The following PFKL variants were observed in gnomAD, a reference collection of about 807,000 sequenced individuals.
The protein encoded by PFKL is ATP-dependent 6-phosphofructokinase, liver type.
In PFKL, 74 loss-of-function variants were observed where a neutral mutation model predicts 92.1. The observed-to-expected ratio is 0.80, with a 90% CI of 0.67 to 0.97. PFKL has a LOEUF of 0.97. PFKL is among the 50% of genes least tolerant of loss of function. The probability of loss-of-function intolerance (pLI) is 0.00; values close to 1 mark genes in which losing one functional copy is unlikely to be tolerated. For synonymous variants in PFKL, 494 were observed against 456.4 expected, an observed-to-expected ratio of 1.08 and a Z score of -1.05; for missense variants, 1,028 against 1,116.6, an observed-to-expected ratio of 0.92 and a Z score of 1.13.
At chr21:44,307,274 C>T (rs2040978350) in intron 2 of PFKL, 2 of 985,276 alleles carry the variant, frequency 2.0e-6, no homozygotes, top group Non-Finnish European at 2.4e-6. Context: ...AGCGGATGCC[C>T]TACTGCCTCA....
rs1453273755 is a variant in PFKL at position 44,312,099 on chromosome 21, G to T, written c.238-6G>T. 3.3e-6 allele frequency: 5 copies of T among 1,521,206 alleles called. No homozygotes were observed. The highest frequency in any genetic ancestry group is 4.4e-6 in the Non-Finnish European group (5 of 1,134,050). 94.2% of individuals were successfully genotyped at this position (1,521,206 alleles called of 1,614,324 possible). On this transcript the variant is annotated splice_polypyrimidine_tract_variant and splice_region_variant and intron_variant, in intron 3 of 21. Coordinates refer to ENST00000349048, the MANE Select transcript of PFKL (RefSeq NM_002626.6). ...TCTCCTGAAGTTTCTGGTCTCCTCT[G>T]TGCAGGGCGGCACTATCATTGGCAG...
chr21:44,314,247 A>G, intron 7 of PFKL: 1 of 557,688 alleles, frequency 1.8e-6, no homozygotes, highest in Non-Finnish European at 3.2e-6. Flanking sequence ...GGAGAGGGTC[A>G]CTCAGGCTGC....
intron 2 of PFKL, among the ~76,000 whole-genome samples, chr21:44,308,999 G>A (rs115923591): frequency 6.6e-6 from 1 of 152,242 alleles, no homozygotes; most frequent in African/African-American, 2.4e-5. Context: ...GAGGGGACTG[G>A]CCGTCACTGT....
At position 44,325,195 on chromosome 21, in the gene PFKL, C is replaced by A. The variant is rs776117058; in HGVS notation, c.1920C>A (p.Tyr640Ter). 2.5e-6 allele frequency: 4 copies of A among 1,613,124 alleles called. No individual in the cohort carries two copies. The highest frequency in any genetic ancestry group is 3.4e-6 in the Non-Finnish European group (4 of 1,179,684). Residue 640 changes from tyrosine to a stop codon, truncating the protein, a stop_gained, in exon 19 of 22, where the codon TAC becomes TAA. Coordinates refer to ENST00000349048, the MANE Select transcript of PFKL (RefSeq NM_002626.6). LOFTEE classifies it high-confidence loss of function. ...CHDYYTTEFL[Y>*]NLYSSEGKGV... ...ACTACTACACCACGGAGTTCCTGTA[C>A]AACCTGTACTCATCAGAGGGCAAGG...
At chr21:44,306,396 G>A (rs1217125728) in intron 1 of PFKL, among the ~76,000 whole-genome samples, 2 of 152,210 alleles carry the variant, frequency 1.3e-5, no homozygotes, top group Non-Finnish European at 2.9e-5. Flanking sequence ...CCACCCGGGG[G>A]CCCAGGGCTG....
At chr21:44,305,897 CAG>C (rs1568942751) in intron 1 of PFKL, 5 of 1,364,598 alleles carry the variant, frequency 3.7e-6, no homozygotes, top group Admixed American at 1.9e-5. Context: ...GAAGTGACCT[CAG>C]AGCCTGGTGG....
In PFKL at chr21:44,313,176, G is replaced by T. The variant is rs749795499; in HGVS notation, c.593+33G>T. 15 of 1,609,268 alleles carry T rather than the reference G, an allele frequency of 9.3e-6. No individual in the cohort carries two copies. In the South Asian group the frequency reaches 1.6e-4, roughly 18 times the overall value. ...AGGCTGGCGCCGGCGGCCAGCCCAG[G>T]GCCCCTCCTCCCCGCACGGTGGTGA... On this transcript the variant is annotated intron_variant, in intron 5 of 21. Coordinates refer to ENST00000349048, the MANE Select transcript of PFKL (RefSeq NM_002626.6).
chr21:44,313,930 C>T lies in PFKL; in HGVS notation c.656C>T (p.Ser219Phe). Reference protein sequence around the residue: ...GRHCGYLALVSALASGADWLF... With the variant: ...GRHCGYLALVFALASGADWLF... ...TCCTCCAGGTACCTGGCGCTGGTAT[C>T]TGCACTGGCCTCAGGGGCCGACTGG... is the stretch of plus-strand genomic sequence containing the variant. Residue 219 changes from serine to phenylalanine, a missense_variant, in exon 7 of 22, where the codon TCT (serine) becomes TTT (phenylalanine). Physicochemically the swap from Ser to Phe is radical, Grantham distance 155. Coordinates refer to ENST00000349048, the MANE Select transcript of PFKL (RefSeq NM_002626.6). 2.5e-6 allele frequency: 4 copies of T among 1,600,718 alleles called. No homozygotes were observed. Among genetic ancestry groups the T allele is most frequent in the Non-Finnish European group, 3.4e-6 (4 of 1,175,756 alleles).
intron 2 of PFKL, among the ~76,000 whole-genome samples, chr21:44,310,652 T>A (rs2047015374): frequency 6.6e-6 from 1 of 152,114 alleles, no homozygotes; most frequent in South Asian, 2.1e-4. Flanking sequence ...CAGGCAGACC[T>A]AGGATGCACC....
chr21:44,325,343 C>A, intron 19 of PFKL, 79 bp downstream of exon 19: 1 of 1,000,838 alleles, frequency 1.0e-6, no homozygotes, highest in Non-Finnish European at 1.6e-6. Flanking sequence ...GGGGTCCCAG[C>A]CCTCACGGGC....
chr21:44,314,050 G>A lies in PFKL; in HGVS notation c.747+29G>A, dbSNP rs568939156. The A allele has an allele frequency of 6.4e-5, 97 of 1,505,420 alleles. 2 individuals are homozygous for A. The South Asian group carries it at 1.1e-3, about 17-fold the overall frequency. 93.3% of individuals were successfully genotyped at this position (1,505,420 alleles called of 1,614,324 possible). A position where few individuals can be genotyped will look rare whatever the true frequency, so the allele number is the denominator to read the frequency against. On this transcript the variant is annotated intron_variant, in intron 7 of 21. Transcript: ENST00000349048. ...GGTGCCGTCCAGCCTGCTGGGGGCC[G>A]CAGGTGTCCTGGTGCACTGGGTAGC...
In PFKL at chr21:44,316,521, C is replaced by A; in HGVS notation, c.933C>A (p.Ile311=). The change falls in exon 9 of 22, where the codon ATC becomes ATA. Residue 311 remains isoleucine (I), a synonymous_variant. Coordinates refer to ENST00000349048, the MANE Select transcript of PFKL (RefSeq NM_002626.6). ...GGACGCCCTCTGCCTTCGACCGGAT[C>A]CTGGTAAGTGGCCATCACCCTGCCC... ...RGGTPSAFDR[I]LSSKMGMEAV... 1 of 1,592,352 alleles carries A rather than the reference C, an allele frequency of 6.3e-7. No individual in the cohort carries two copies. Among genetic ancestry groups the A allele is most frequent in the Non-Finnish European group, 8.6e-7 (1 of 1,167,132 alleles).
Position 44,319,345 on chromosome 21 carries a change from C to T in PFKL, c.1063-6C>T. 2 of 1,613,142 alleles carry T rather than the reference C, an allele frequency of 1.2e-6. No homozygotes were observed. Among genetic ancestry groups the T allele is most frequent in the Non-Finnish European group, 1.7e-6 (2 of 1,179,340 alleles). On this transcript the variant is annotated splice_region_variant and splice_polypyrimidine_tract_variant and intron_variant, in intron 10 of 21. Transcript: ENST00000349048. ...CATAGTCTGTGTTCTGTTTCTCTTC[C>T]TTAAGACCAAGGAAGTGCAGAAAGC... is the stretch of plus-strand genomic sequence containing the variant.
At position 44,313,047 on chromosome 21, in the gene PFKL, A is replaced by T; in HGVS notation, c.497A>T (p.Asp166Val). ...LNIAGLVGSI[D>V]NDFCGTDMTI... ...ATCGCGGGCCTAGTGGGCTCCATCG[A>T]TAACGACTTCTGCGGCACCGACATG... is the stretch of plus-strand genomic sequence containing the variant. The change falls in exon 5 of 22, where the codon GAT (aspartate) becomes GTT (valine). Residue 166 changes from aspartate (D) to valine (V), a missense_variant. Coordinates refer to ENST00000349048, the MANE Select transcript of PFKL (RefSeq NM_002626.6). The T allele has an allele frequency of 6.2e-7, 1 of 1,613,182 alleles. No individual in the cohort carries two copies. The highest frequency in any genetic ancestry group is 8.5e-7 in the Non-Finnish European group (1 of 1,179,940).
chr21:44,304,433 G>T (rs2040868652), intron 1 of PFKL: 6 of 1,219,830 alleles, frequency 4.9e-6, no homozygotes, highest in Admixed American at 6.2e-5. Context: ...TCCTTGCCCT[G>T]CCTCAGCTGC....
chr21:44,305,902 C>T lies in PFKL; in HGVS notation c.86-779C>T, dbSNP rs138883373. ...CAGGAAAGAGGAAGTGACCTCAGAGCCTGGTGGCACCAGCATCATGTCCAG... is the reference window on the plus strand; with the variant it reads ...CAGGAAAGAGGAAGTGACCTCAGAGTCTGGTGGCACCAGCATCATGTCCAG... On this transcript the variant is annotated intron_variant, in intron 1 of 21. Transcript: ENST00000349048. The T allele has an allele frequency of 2.8e-5, 38 of 1,364,142 alleles. No homozygotes were observed. In the East Asian group the frequency reaches 1.6e-3, roughly 59 times the overall value. The allele number at this position is 1,364,142 out of a possible 1,614,324, so 84.5% of individuals were successfully genotyped here. A position where few individuals can be genotyped will look rare whatever the true frequency, so the allele number is the denominator to read the frequency against.
chr21:44,311,200 G>GCACACATA, intron 3 of PFKL, 117 bp downstream of exon 3: 10 of 725,496 alleles, frequency 1.4e-5, no homozygotes, highest in Non-Finnish European at 2.3e-5. Context: ...ACACACACAT[G>GCACACATA]CAGACACACA....
intron 2 of PFKL, 126 bp from the exon 3 acceptor site, chr21:44,310,880 T>TG (rs1425009765): frequency 3.0e-6 from 2 of 674,298 alleles, no homozygotes; most frequent in Non-Finnish European, 5.3e-6. Flanking sequence ...GGGATGATGG[T>TG]GGGGCCTCAC....
At chr21:44,306,044 GC>G in intron 1 of PFKL, 1 of 613,302 alleles carries the variant, frequency 1.6e-6, no homozygotes, top group Non-Finnish European at 2.1e-6. Flanking sequence ...AGGAGCCCAA[GC>G]CCCTTCCAGC....
Sources: gnomAD v4.1 joint callset for allele counts (sites outside exome capture counted in the v4.1 genomes callset) on GRCh38, gnomAD v4.1.1 for gene constraint, MANE v1.5 for transcripts, NCBI Gene and HGNC (gene_info 2026-07-23, HGNC 2026-07-21) for gene names.